Variants in MMP26 observed in about 807,000 individuals in gnomAD.
MMP26 encodes matrix metallopeptidase 26, also known as matrix metalloproteinase-26.
MMP26 carries 33 observed loss-of-function variants against 31.0 expected under a neutral mutation model. That is an observed-to-expected ratio of 1.06 (90% CI 0.81 to 1.42). The LOEUF (loss-of-function observed/expected upper bound fraction) is 1.42, where lower values mean the gene tolerates loss of function less well. Among genes scored for constraint, MMP26 ranks in the 40% most tolerant of loss-of-function variants. MMP26 has a pLI of 0.00. For missense variants in MMP26, 347 were observed against 316.1 expected (o/e 1.10, Z -0.74); for synonymous variants, 122 against 114.9 (o/e 1.06, Z -0.40).
chr11:4,865,501 C>T (rs1352671322), intron 2 of MMP26, among the ~76,000 whole-genome samples: 1 of 152,084 alleles, frequency 6.6e-6, no homozygotes, highest in Non-Finnish European at 1.5e-5. Context: ...AAGCAGGCAA[C>T]ATGTTGAGAA....
At chr11:4,915,835 C>A in intron 2 of MMP26, 1 of 516,870 alleles carries the variant, frequency 1.9e-6, no homozygotes, top group South Asian at 3.8e-5. Flanking sequence ...GACTTCCTCT[C>A]AGTATCTTTT....
At chr11:4,760,545 T>C (rs911580750) in intron 1 of MMP26, among the ~76,000 whole-genome samples, 4 of 152,202 alleles carry the variant, frequency 2.6e-5, no homozygotes, top group African/African-American at 9.6e-5. Context: ...AAAATTAACA[T>C]TGAGCCAGTT....
At chr11:4,978,610 A>G (rs1846771604) in intron 2 of MMP26, among the ~76,000 whole-genome samples, 1 of 152,084 alleles carries the variant, frequency 6.6e-6, no homozygotes, top group South Asian at 2.1e-4. Flanking sequence ...CATAATAAAA[A>G]TGTTTTCCTC....
intron 2 of MMP26, among the ~76,000 whole-genome samples, chr11:4,802,490 A>G (rs917497955): frequency 6.6e-6 from 1 of 152,188 alleles, no homozygotes; most frequent in African/African-American, 2.4e-5. Flanking sequence ...CTTGGGACTG[A>G]GAGGTATGGT....
chr11:4,866,467 A>T (rs149199425), intron 2 of MMP26, among the ~76,000 whole-genome samples: 1,744 of 152,292 alleles, frequency 0.011, 30 homozygotes, highest in African/African-American at 0.038. Context: ...TTTAATGCTC[A>T]TGGATAGGAA....
intron 2 of MMP26, among the ~76,000 whole-genome samples, chr11:4,979,847 C>T (rs186893584): frequency 7.1e-4 from 108 of 152,074 alleles, no homozygotes; most frequent in Non-Finnish European, 1.2e-3. Flanking sequence ...TTCTATCCCA[C>T]GCAGAAAACA....
At chr11:4,963,544 C>A (rs577406237) in intron 2 of MMP26, among the ~76,000 whole-genome samples, 5 of 152,118 alleles carry the variant, frequency 3.3e-5, no homozygotes, top group African/African-American at 1.2e-4. Context: ...ATATATAGAC[C>A]GATGGAACAG....
At chr11:4,731,795 G>T (rs549739753) in intron 1 of MMP26, among the ~76,000 whole-genome samples, 4 of 152,110 alleles carry the variant, frequency 2.6e-5, no homozygotes, top group African/African-American at 9.7e-5. Flanking sequence ...GGGATTCTTC[G>T]CTGTATTTAA....
intron 2 of MMP26, chr11:4,955,071 T>C (rs751060450): frequency 2.1e-6 from 3 of 1,452,356 alleles, no homozygotes; most frequent in South Asian, 2.3e-5. Flanking sequence ...GACACAGCAA[T>C]GAGAATAAAG....
At chr11:4,779,526 A>G (rs1035985311) in intron 2 of MMP26, among the ~76,000 whole-genome samples, 1 of 151,150 alleles carries the variant, frequency 6.6e-6, no homozygotes, top group Non-Finnish European at 1.5e-5. Context: ...TACCCACTTT[A>G]GAAGTGTTTG....
Position 4,978,174 on chromosome 11 carries a change from G to A in MMP26, c.-144-9894G>A, listed in dbSNP as rs116704592. On this transcript the variant is annotated intron_variant, in intron 2 of 7. Coordinates refer to ENST00000380390, the MANE Select transcript of MMP26 (RefSeq NM_021801.5). ...TTGTAAGTTTCCCAAGGCCTCCCCA[G>A]CCATGCAGAATAGTGAGTCAATTAA... Among the ~76,000 whole-genome samples the A allele has an allele frequency of 2.4e-3, 363 of 152,138 alleles. 3 individuals carry two copies. The highest frequency in any genetic ancestry group is 8.6e-3 in the African/African-American group (357 of 41,510).
At chr11:4,943,351 T>C (rs1261637092) in intron 2 of MMP26, 1 of 353,396 alleles carries the variant, frequency 2.8e-6, no homozygotes, top group Non-Finnish European at 5.6e-6. Context: ...GTTTTCTCAG[T>C]TTTTCACTGG....
intron 2 of MMP26, among the ~76,000 whole-genome samples, chr11:4,964,370 T>G (rs1234317691): frequency 2.0e-5 from 3 of 152,174 alleles, no homozygotes; most frequent in African/African-American, 7.2e-5. Flanking sequence ...AAATAAGGAA[T>G]CCTTTCCCCA....
chr11:4,741,469 A>T (rs1848310540), intron 1 of MMP26, among the ~76,000 whole-genome samples: 1 of 152,222 alleles, frequency 6.6e-6, no homozygotes, highest in South Asian at 2.1e-4. Context: ...TATGCAGTCA[A>T]TAAAAGGAAT....
chr11:4,752,011 C>A (rs955449019), intron 1 of MMP26: 1 of 151,986 alleles, frequency 6.6e-6, no homozygotes, highest in Non-Finnish European at 1.5e-5. Context: ...TGAAATAAGC[C>A]TTTATAGGAG....
chr11:4,792,095 ATACTT>A (rs1299551014), intron 2 of MMP26, among the ~76,000 whole-genome samples: 1 of 151,988 alleles, frequency 6.6e-6, no homozygotes, highest in Non-Finnish European at 1.5e-5. Context: ...AATAGCAACA[ATACTT>A]TATAGAAGTG....
intron 1 of MMP26, chr11:4,736,391 CT>C (rs1848241173): frequency 6.6e-6 from 1 of 152,108 alleles, no homozygotes; most frequent in Admixed American, 6.6e-5. Flanking sequence ...TGCTAAAGAC[CT>C]TATGCCGCTC....
At chr11:4,933,309 A>G (rs896323535) in intron 2 of MMP26, among the ~76,000 whole-genome samples, 1 of 152,084 alleles carries the variant, frequency 6.6e-6, no homozygotes, top group African/African-American at 2.4e-5. Context: ...TGTGCTCGCA[A>G]CCGGTATGAA....
chr11:4,725,316 T>G (rs1848084422), intron 1 of MMP26, among the ~76,000 whole-genome samples: 1 of 151,940 alleles, frequency 6.6e-6, no homozygotes, highest in African/African-American at 2.4e-5. Context: ...TTTGAGACTG[T>G]TTTTTTTCCT....
Sources: allele counts gnomAD v4.1 joint callset (sites outside exome capture counted in the v4.1 genomes callset), GRCh38; gene constraint gnomAD v4.1.1; transcripts MANE v1.5; gene names NCBI Gene and HGNC (gene_info 2026-07-23, HGNC 2026-07-21).